ACYP2: variants seen among roughly 807,000 people sequenced by gnomAD.
The protein encoded by ACYP2 is acylphosphatase-2.
Under a neutral mutation model 11.2 loss-of-function variants are expected in ACYP2, and 12 were observed. The observed-to-expected ratio is 1.08, with a 90% CI of 0.69 to 1.74. The LOEUF (loss-of-function observed/expected upper bound fraction) is 1.74. Ranked by LOEUF, ACYP2 falls within the 40% of genes most tolerant of loss-of-function variation. The pLI is 0.00. For missense variants in ACYP2, 134 were observed against 101.9 expected, an observed-to-expected ratio of 1.31 and a Z score of -1.35; for synonymous variants, 43 against 32.2, an observed-to-expected ratio of 1.33 and a Z score of -1.13.
chr2:54,127,567 T>C (rs1052013017), intron 4 of ACYP2, among the ~76,000 whole-genome samples: 3 of 151,828 alleles, frequency 2.0e-5, no homozygotes, highest in Non-Finnish European at 4.4e-5. Context: ...CCATCTCTAC[T>C]AAAAACACAA....
chr2:54,176,251 A>G (rs1335182508), intron 6 of ACYP2, among the ~76,000 whole-genome samples: 7 of 151,938 alleles, frequency 4.6e-5, no homozygotes, highest in Non-Finnish European at 1.0e-4. Context: ...TAATGCATGC[A>G]TTGTCTCGGT....
Position 54,241,795 on chromosome 2 carries a change from C to T in ACYP2, c.405-62893C>T, listed in dbSNP as rs1572980303. Among the ~76,000 whole-genome samples, 3 of 152,278 alleles carry T rather than the reference C, an allele frequency of 2.0e-5. 1 individual carries two copies. The highest frequency in any genetic ancestry group is 4.8e-5 in the African/African-American group (2 of 41,560). On this transcript the variant is annotated intron_variant, in intron 6 of 6. Coordinates refer to ENST00000607452, the MANE Select transcript of ACYP2 (RefSeq NM_001320586.2). Reference sequence around the variant, plus strand: ...TGGGAGGCCAAGGCAGGTGGATCACCTGAGGTCAGGAGTTCAGGACCAGCC... The same window carrying T: ...TGGGAGGCCAAGGCAGGTGGATCACTTGAGGTCAGGAGTTCAGGACCAGCC...
At chr2:54,025,902 A>C (rs1674258230) in intron 2 of ACYP2, among the ~76,000 whole-genome samples, 1 of 152,102 alleles carries the variant, frequency 6.6e-6, no homozygotes, top group African/African-American at 2.4e-5. Flanking sequence ...TTTGAGACTG[A>C]GGTCAGGAAT....
At chr2:54,044,110 A>G (rs916312535) in intron 2 of ACYP2, among the ~76,000 whole-genome samples, 2 of 152,196 alleles carry the variant, frequency 1.3e-5, no homozygotes, top group African/African-American at 4.8e-5. Flanking sequence ...ACTCCCCTGC[A>G]ACAGATGTAC....
chr2:54,145,556 TACCCAC>T (rs1681842498), intron 6 of ACYP2, among the ~76,000 whole-genome samples: 1 of 152,188 alleles, frequency 6.6e-6, no homozygotes, highest in African/African-American at 2.4e-5. Context: ...ATGTGCCCAT[TACCCAC>T]TTTCAATAAC....
rs148096139 is a variant in ACYP2 at position 53,993,062 on chromosome 2, C to T, written c.62+19252C>T. 7.5e-3 allele frequency among the ~76,000 whole-genome samples: 1,144 copies of T among 152,042 alleles called. 25 individuals carry two copies. Among genetic ancestry groups the T allele is most frequent in the African/African-American group, 0.026 (1,090 of 41,492 alleles). On this transcript the variant is annotated intron_variant, in intron 2 of 6. Coordinates refer to ENST00000607452, the MANE Select transcript of ACYP2 (RefSeq NM_001320586.2). Reference sequence around the variant, plus strand: ...TTCTACCCAAAATACAAAAATTAGCCAGGTGTGGTGGCACATGCTTATAGT... The same window carrying T: ...TTCTACCCAAAATACAAAAATTAGCTAGGTGTGGTGGCACATGCTTATAGT...
At chr2:53,986,915 G>A (rs1346148220) in intron 2 of ACYP2, among the ~76,000 whole-genome samples, 1 of 152,054 alleles carries the variant, frequency 6.6e-6, no homozygotes, top group Non-Finnish European at 1.5e-5. Flanking sequence ...GTGAGCCACC[G>A]CACCCGACCA....
chr2:54,279,837 G>A (rs1238335271), intron 6 of ACYP2, among the ~76,000 whole-genome samples: 2 of 152,138 alleles, frequency 1.3e-5, no homozygotes, highest in African/African-American at 4.8e-5. Flanking sequence ...GAACATGAGT[G>A]CACTGGGGAC....
At chr2:53,977,430 A>T (rs562560037) in intron 2 of ACYP2, among the ~76,000 whole-genome samples, 1 of 152,008 alleles carries the variant, frequency 6.6e-6, no homozygotes, top group South Asian at 2.1e-4. Context: ...TTCAACTTCT[A>T]TCCCTGGGTA....
chr2:54,191,246 T>C (rs1043505672), intron 6 of ACYP2, among the ~76,000 whole-genome samples: 5 of 152,162 alleles, frequency 3.3e-5, no homozygotes, highest in Admixed American at 2.0e-4. Flanking sequence ...CAAGGCCCCA[T>C]GTAAACTGCC....
intron 6 of ACYP2, among the ~76,000 whole-genome samples, chr2:54,189,604 T>G (rs1050109154): frequency 1.3e-5 from 2 of 152,120 alleles, no homozygotes; most frequent in Non-Finnish European, 2.9e-5. Flanking sequence ...TTTCCATCCT[T>G]CTGTCAACGG....
At chr2:54,222,099 A>T (rs574935643) in intron 6 of ACYP2, among the ~76,000 whole-genome samples, 2 of 152,138 alleles carry the variant, frequency 1.3e-5, no homozygotes, top group South Asian at 4.1e-4. Flanking sequence ...TTTTTGTTGC[A>T]TGAAGAAACT....
intron 6 of ACYP2, among the ~76,000 whole-genome samples, chr2:54,192,150 G>A (rs1278359053): frequency 2.0e-5 from 3 of 152,138 alleles, no homozygotes; most frequent in Admixed American, 6.6e-5. Flanking sequence ...CACAGAAGAC[G>A]TGTATATATG....
intron 4 of ACYP2, among the ~76,000 whole-genome samples, chr2:54,071,626 C>G (rs1157230403): frequency 6.6e-6 from 1 of 152,000 alleles, no homozygotes; most frequent in East Asian, 1.9e-4. Flanking sequence ...CCACCACACC[C>G]AGATAATTTT....
chr2:54,087,001 C>G (rs1215022263), intron 4 of ACYP2, among the ~76,000 whole-genome samples: 1 of 152,184 alleles, frequency 6.6e-6, no homozygotes, highest in Non-Finnish European at 1.5e-5. Flanking sequence ...ACTAGTAGAG[C>G]TATTTTAAAA....
chr2:54,155,820 C>G (rs1682407113), intron 6 of ACYP2, among the ~76,000 whole-genome samples: 1 of 152,088 alleles, frequency 6.6e-6, no homozygotes, highest in South Asian at 2.1e-4. Context: ...TCTTCTTTGA[C>G]TCATTGGTTG....
At chr2:54,059,969 C>T (rs777556345) in intron 4 of ACYP2, among the ~76,000 whole-genome samples, 1 of 152,230 alleles carries the variant, frequency 6.6e-6, no homozygotes, top group Non-Finnish European at 1.5e-5. Flanking sequence ...CTCCCATCCC[C>T]AGTCCTCTAG....
intron 6 of ACYP2, among the ~76,000 whole-genome samples, chr2:54,284,617 C>A (rs180683287): frequency 6.4e-4 from 97 of 152,222 alleles, no homozygotes; most frequent in African/African-American, 2.2e-3. Flanking sequence ...CCCATAGGCA[C>A]ACAAATATGC....
intron 4 of ACYP2, among the ~76,000 whole-genome samples, chr2:54,072,507 C>CTTTTT (rs751029811): frequency 1.2e-5 from 1 of 83,456 alleles, no homozygotes; most frequent in Non-Finnish European, 2.6e-5. Flanking sequence ...TTCTCTCTCT[C>CTTTTT]TCTCTTTCTT....
Sources: gnomAD v4.1 joint callset for allele counts (sites outside exome capture counted in the v4.1 genomes callset) on GRCh38, gnomAD v4.1.1 for gene constraint, MANE v1.5 for transcripts, NCBI Gene and HGNC (gene_info 2026-07-23, HGNC 2026-07-21) for gene names.